The following PPP2R2B variants were observed in gnomAD, a reference collection of about 807,000 sequenced individuals.
PPP2R2B encodes the protein serine/threonine-protein phosphatase 2A 55 kDa regulatory subunit B beta isoform.
PPP2R2B carries 5 observed loss-of-function variants against 46.0 expected under a neutral mutation model. The observed-to-expected ratio is 0.11, with a 90% CI of 0.06 to 0.23. The LOEUF is 0.23. PPP2R2B is among the 10% of genes least tolerant of loss of function. PPP2R2B has a pLI of 1.00. For synonymous variants in PPP2R2B, 215 were observed against 206.7 expected, an observed-to-expected ratio of 1.04 and a Z score of -0.34; for missense variants, 367 against 575.0, an observed-to-expected ratio of 0.64 and a Z score of 3.70.
chr5:146,905,921 C>T (rs897832688), intron 1 of PPP2R2B, among the ~76,000 whole-genome samples: 5 of 151,984 alleles, frequency 3.3e-5, no homozygotes, highest in African/African-American at 1.2e-4. Context: ...AGTATGGAAG[C>T]TCCCAAGCCA....
chr5:146,696,323 C>T (rs547831282), intron 4 of PPP2R2B, among the ~76,000 whole-genome samples: 9 of 152,278 alleles, frequency 5.9e-5, no homozygotes, highest in Admixed American at 5.9e-4. Flanking sequence ...CCAGGATGGT[C>T]TCGATCTCCT....
At chr5:146,887,274 G>T (rs1033635895) in intron 1 of PPP2R2B, among the ~76,000 whole-genome samples, 1 of 151,998 alleles carries the variant, frequency 6.6e-6, no homozygotes, top group African/African-American at 2.4e-5. Context: ...CTAGGGGCTG[G>T]TAACCATGGT....
At chr5:146,954,626 C>A (rs1751790783) in intron 1 of PPP2R2B, among the ~76,000 whole-genome samples, 1 of 151,906 alleles carries the variant, frequency 6.6e-6, no homozygotes, top group Non-Finnish European at 1.5e-5. Flanking sequence ...CTCAGGTAAC[C>A]AAACACCACC....
At chr5:146,935,406 A>G (rs573138899) in intron 1 of PPP2R2B, among the ~76,000 whole-genome samples, 2 of 152,310 alleles carry the variant, frequency 1.3e-5, no homozygotes, top group African/African-American at 4.8e-5. Context: ...TTTGTTGTTT[A>G]TAAGGTACTC....
intron 1 of PPP2R2B, chr5:146,917,838 G>C (rs929183777): frequency 6.6e-6 from 1 of 152,140 alleles, no homozygotes; most frequent in Non-Finnish European, 1.5e-5. Flanking sequence ...ACTGAGTCCT[G>C]TTGTTTTATT....
chr5:146,775,562 T>C (rs1193188987), intron 2 of PPP2R2B, among the ~76,000 whole-genome samples: 1 of 152,072 alleles, frequency 6.6e-6, no homozygotes, highest in Admixed American at 6.6e-5. Context: ...TTATCACTTA[T>C]ATTCAACAAA....
intron 1 of PPP2R2B, among the ~76,000 whole-genome samples, chr5:147,010,019 T>G (rs1304052580): frequency 6.6e-6 from 1 of 152,110 alleles, no homozygotes; most frequent in African/African-American, 2.4e-5. Flanking sequence ...TTAAGAATCT[T>G]AATCAAGAGC....
intron 2 of PPP2R2B, among the ~76,000 whole-genome samples, chr5:146,720,528 G>A (rs1234665218): frequency 6.6e-6 from 1 of 152,142 alleles, no homozygotes; most frequent in Admixed American, 6.5e-5. Flanking sequence ...GCTGTTTCTT[G>A]GGGGGAAGAT....
chr5:146,762,701 G>T (rs1229952723), intron 2 of PPP2R2B, among the ~76,000 whole-genome samples: 1 of 152,102 alleles, frequency 6.6e-6, no homozygotes, highest in East Asian at 1.9e-4. Flanking sequence ...AAATAAATAG[G>T]GATGCACGGC....
intron 2 of PPP2R2B, among the ~76,000 whole-genome samples, chr5:146,704,423 G>T (rs1779714303): frequency 6.6e-6 from 1 of 152,180 alleles, no homozygotes; most frequent in Non-Finnish European, 1.5e-5. Context: ...CCTTTAAATT[G>T]TAAGTTTATA....
At chr5:146,853,153 C>G (rs774403205) in intron 2 of PPP2R2B, among the ~76,000 whole-genome samples, 9 of 152,032 alleles carry the variant, frequency 5.9e-5, no homozygotes, top group Non-Finnish European at 1.0e-4. Flanking sequence ...AAAATGTCCC[C>G]TAGGAAATGC....
intron 1 of PPP2R2B, among the ~76,000 whole-genome samples, chr5:146,905,844 T>C (rs1280708498): frequency 1.3e-5 from 2 of 152,124 alleles, no homozygotes; most frequent in African/African-American, 2.4e-5. Context: ...TGGTGGTAGG[T>C]TGGGATTGAT....
chr5:146,849,704 A>C (rs772477900), intron 2 of PPP2R2B, among the ~76,000 whole-genome samples: 1 of 152,196 alleles, frequency 6.6e-6, no homozygotes, highest in Non-Finnish European at 1.5e-5. Context: ...ACAGTAATAC[A>C]TCTAAGCCAT....
intron 5 of PPP2R2B, among the ~76,000 whole-genome samples, chr5:146,674,555 T>A (rs543348174): frequency 1.5e-3 from 227 of 152,324 alleles, no homozygotes; most frequent in Non-Finnish European, 2.9e-3. Flanking sequence ...TGTTCATATA[T>A]TTCCCTTCTG....
chr5:146,902,650 G>C (rs1762871626), intron 1 of PPP2R2B, among the ~76,000 whole-genome samples: 1 of 152,004 alleles, frequency 6.6e-6, no homozygotes, highest in African/African-American at 2.4e-5. Flanking sequence ...TCATTTTATT[G>C]ACAGACTAAT....
chr5:146,964,517 A>ATTTATT (rs554464642), intron 1 of PPP2R2B, among the ~76,000 whole-genome samples: 24 of 151,802 alleles, frequency 1.6e-4, no homozygotes, highest in South Asian at 6.3e-4. Context: ...CAGCTCCTGT[A>ATTTATT]TTTATTTTTA....
At chr5:146,924,687 T>C (rs1169204837) in intron 1 of PPP2R2B, among the ~76,000 whole-genome samples, 1 of 152,226 alleles carries the variant, frequency 6.6e-6, no homozygotes, top group East Asian at 1.9e-4. Flanking sequence ...TTTGAAATAC[T>C]TTTTGAATAA....
intron 2 of PPP2R2B, among the ~76,000 whole-genome samples, chr5:146,757,757 GA>G (rs1203087817): frequency 6.6e-6 from 1 of 152,138 alleles, no homozygotes; most frequent in Non-Finnish European, 1.5e-5. Context: ...CTATCCTGTG[GA>G]ACCAAACTGC....
chr5:147,077,056 T>TATATATA (rs1375389867), intron 2 of PPP2R2B, among the ~76,000 whole-genome samples: 25 of 146,892 alleles, frequency 1.7e-4, no homozygotes, highest in African/African-American at 5.5e-4. Flanking sequence ...CTGATATATA[T>TATATATA]ATACAATACA....
Sources: gnomAD v4.1 joint callset for allele counts (sites outside exome capture counted in the v4.1 genomes callset) on GRCh38, gnomAD v4.1.1 for gene constraint, MANE v1.5 for transcripts, NCBI Gene and HGNC (gene_info 2026-07-23, HGNC 2026-07-21) for gene names.